Variants in CNTLN observed in about 807,000 individuals in gnomAD.
CNTLN encodes the protein centlein, centrosomal protein.
Under a neutral mutation model 180.0 loss-of-function variants are expected in CNTLN, and 212 were observed. The observed-to-expected ratio is 1.18, with a 90% CI of 1.05 to 1.32. The LOEUF (loss-of-function observed/expected upper bound fraction) is 1.32, where lower values mean the gene tolerates loss of function less well. Among genes scored for constraint, CNTLN ranks in the 40% most tolerant of loss-of-function variants. The probability of loss-of-function intolerance (pLI) is 0.00; values close to 1 mark genes in which losing one functional copy is unlikely to be tolerated. For missense variants in CNTLN, 2,095 were observed against 1,610.9 expected (o/e 1.30, Z -5.14); for synonymous variants, 722 against 563.1 (o/e 1.28, Z -3.99).
chr9:17,280,489 A>G (rs1828595425), intron 6 of CNTLN, among the ~76,000 whole-genome samples: 1 of 152,146 alleles, frequency 6.6e-6, no homozygotes. Flanking sequence ...TACATAGCCT[A>G]GTAAACAGGG....
rs769938818 is a variant in CNTLN at position 17,466,912 on chromosome 9, A to C, written c.3855+21A>C. On this transcript the variant is annotated intron_variant, in intron 23 of 25. Coordinates refer to ENST00000380647, the MANE Select transcript of CNTLN (RefSeq NM_017738.4). Reference sequence around the variant, plus strand: ...TGAAGGTTTGAATTACTTGTCGTTTACTAACTTGTACTTTACTTTAGGCAG... The same window carrying C: ...TGAAGGTTTGAATTACTTGTCGTTTCCTAACTTGTACTTTACTTTAGGCAG... 3.8e-6 allele frequency: 6 copies of C among 1,582,104 alleles called. No individual in the cohort carries two copies. The Admixed American group carries it at 8.5e-5, about 22-fold the overall frequency.
chr9:17,229,143 T>C (rs568882698), intron 3 of CNTLN, among the ~76,000 whole-genome samples: 1 of 152,010 alleles, frequency 6.6e-6, no homozygotes, highest in African/African-American at 2.4e-5. Context: ...GTGAAAAGAC[T>C]TTATAGAAGT....
intron 5 of CNTLN, among the ~76,000 whole-genome samples, chr9:17,266,156 C>A (rs546554052): frequency 1.3e-5 from 2 of 151,602 alleles, no homozygotes; most frequent in South Asian, 4.2e-4. Flanking sequence ...GATCTTCCTG[C>A]TTTCTCTTTT....
intron 2 of CNTLN, among the ~76,000 whole-genome samples, chr9:17,179,817 GT>G (rs559949090): frequency 1.3e-5 from 2 of 150,860 alleles, no homozygotes; most frequent in South Asian, 4.2e-4. Flanking sequence ...AGTTCTATCA[GT>G]TTTTTTTCTG....
Position 17,466,049 on chromosome 9 carries a change from C to G in CNTLN, c.3600C>G (p.Asn1200Lys). ...TTGATTCACTAAAGCAAAGACTTAA[C>G]GTTGCTGTAAAAGAAAAGTCACAGT... ...VSIDSLKQRL[N>K]VAVKEKSQYE... Residue 1200 changes from asparagine to lysine, a missense_variant, in exon 22 of 26, where the codon AAC becomes AAG. Physicochemically the swap from Asn to Lys is moderately conservative, Grantham distance 94 (BLOSUM62 0). Transcript: ENST00000380647. 7.5e-6 allele frequency: 12 copies of G among 1,604,816 alleles called. No homozygotes were observed. The highest frequency in any genetic ancestry group is 1.0e-5 in the Non-Finnish European group (12 of 1,173,468).
chr9:17,258,805 G>T (rs1449350675), intron 5 of CNTLN, among the ~76,000 whole-genome samples: 1 of 145,328 alleles, frequency 6.9e-6, no homozygotes. Context: ...GAATGCTTGT[G>T]ATTTTTGTAC....
intron 2 of CNTLN, among the ~76,000 whole-genome samples, chr9:17,154,691 G>A (rs1819135746): frequency 6.6e-6 from 1 of 152,194 alleles, no homozygotes; most frequent in South Asian, 2.1e-4. Context: ...AGTGCTCTGT[G>A]TCTAGCTAAA....
chr9:17,265,938 T>A (rs1827397700), intron 5 of CNTLN, among the ~76,000 whole-genome samples: 1 of 152,144 alleles, frequency 6.6e-6, no homozygotes, highest in African/African-American at 2.4e-5. Flanking sequence ...TTTTTTTCTT[T>A]ATTATTCTTG....
At chr9:17,179,375 C>T (rs943010756) in intron 2 of CNTLN, among the ~76,000 whole-genome samples, 1 of 151,410 alleles carries the variant, frequency 6.6e-6, no homozygotes, top group Non-Finnish European at 1.5e-5. Context: ...TTTTGATATG[C>T]TGCCTTTTTA....
chr9:17,369,551 C>G (rs1396762319), intron 13 of CNTLN, among the ~76,000 whole-genome samples: 4 of 151,424 alleles, frequency 2.6e-5, no homozygotes, highest in African/African-American at 9.7e-5. Flanking sequence ...AGAATTCTAT[C>G]AGAGAAATTT....
At chr9:17,251,277 T>C (rs149161197) in intron 5 of CNTLN, among the ~76,000 whole-genome samples, 68 of 152,092 alleles carry the variant, frequency 4.5e-4, no homozygotes, top group African/African-American at 1.6e-3. Context: ...TTTTTGGATT[T>C]GTAGATTCAT....
At chr9:17,416,265 A>C (rs1337925311) in intron 18 of CNTLN, 76 bp downstream of exon 18, 10 of 1,255,996 alleles carry the variant, frequency 8.0e-6, no homozygotes, top group Non-Finnish European at 1.1e-5. Context: ...TGTATTATTT[A>C]GTTTATATTT....
intron 12 of CNTLN, among the ~76,000 whole-genome samples, chr9:17,348,168 G>A (rs146555399): frequency 2.6e-5 from 4 of 152,082 alleles, no homozygotes; most frequent in African/African-American, 7.2e-5. Flanking sequence ...TATGTCGTAC[G>A]TCACTTATTG....
At chr9:17,159,447 T>C (rs1327788358) in intron 2 of CNTLN, among the ~76,000 whole-genome samples, 1 of 152,168 alleles carries the variant, frequency 6.6e-6, no homozygotes, top group African/African-American at 2.4e-5. Flanking sequence ...CCTAAGGTTC[T>C]CTTGGCTTGC....
chr9:17,182,027 T>A (rs2131733834), intron 2 of CNTLN, among the ~76,000 whole-genome samples: 1 of 152,306 alleles, frequency 6.6e-6, no homozygotes, highest in Non-Finnish European at 1.5e-5. Context: ...ATGAAAGTCC[T>A]GGCTCTCCAC....
chr9:17,296,037 T>TGTTA (rs1219266875), intron 6 of CNTLN, among the ~76,000 whole-genome samples: 1 of 134,252 alleles, frequency 7.4e-6, no homozygotes, highest in Non-Finnish European at 1.7e-5. Context: ...TGTGTGTGTG[T>TGTTA]GTTAGATGGA....
chr9:17,440,421 CAAA>C (rs528636729), intron 18 of CNTLN, among the ~76,000 whole-genome samples: 3 of 75,684 alleles, frequency 4.0e-5, no homozygotes, highest in Admixed American at 1.4e-4. Flanking sequence ...AAATAAAATA[CAAA>C]AAAAAAAAAA....
chr9:17,514,287 G>C, the CNTLN span, among the ~76,000 whole-genome samples: 1 of 152,170 alleles, frequency 6.6e-6, no homozygotes. Flanking sequence ...TCCAGCCTGA[G>C]AGACAGAGCA....
chr9:17,301,797 A>G (rs933759805), intron 7 of CNTLN: 11 of 981,632 alleles, frequency 1.1e-5, no homozygotes, highest in South Asian at 4.7e-5. Flanking sequence ...ATTTTAAAAA[A>G]CAAAGTCTTT....
Sources: gnomAD v4.1 joint callset for allele counts (sites outside exome capture counted in the v4.1 genomes callset) on GRCh38, gnomAD v4.1.1 for gene constraint, MANE v1.5 for transcripts, NCBI Gene and HGNC (gene_info 2026-07-23, HGNC 2026-07-21) for gene names.